UBE2O: variants seen among roughly 807,000 people sequenced by gnomAD.
UBE2O encodes the protein (E3-independent) E2 ubiquitin-conjugating enzyme.
In UBE2O, 15 loss-of-function variants were observed where a neutral mutation model predicts 125.8. That is an observed-to-expected ratio of 0.12 (90% confidence interval 0.08 to 0.18). UBE2O has a LOEUF of 0.18. Among genes scored for constraint, UBE2O ranks in the 10% least tolerant of loss-of-function variants. The probability of loss-of-function intolerance (pLI) is 1.00; values close to 1 mark genes in which losing one functional copy is unlikely to be tolerated. For synonymous variants in UBE2O, 708 were observed against 703.2 expected (o/e 1.01, Z -0.11); for missense variants, 1,280 against 1,723.6 (o/e 0.74, Z 4.56).
chr17:76,391,603 C>T lies in UBE2O; in HGVS notation c.3219G>A (p.Leu1073=). 2 of 1,612,766 alleles carry T rather than the reference C, an allele frequency of 1.2e-6. No individual in the cohort carries two copies. Among genetic ancestry groups the T allele is most frequent in the Non-Finnish European group, 1.7e-6 (2 of 1,179,132 alleles). ...CTTCGTTGTAGTATGGTTCATTTAC[C>T]AGGATCAGACCTGTGTGGGCGGGAC... is the stretch of plus-strand genomic sequence containing the variant. ...QVLISIQGLI[L]VNEPYYNEAG... is the part of the protein sequence containing the mutation. The change falls in exon 18 of 18, where the codon CTG becomes CTA. Residue 1073 remains leucine, a synonymous_variant. Transcript: ENST00000319380. The surrounding 1 kb of genome is among the most constrained non-coding windows in gnomAD (Gnocchi z 8.4).
At chr17:76,423,462 G>A (rs997171587) in intron 1 of UBE2O, among the ~76,000 whole-genome samples, 2 of 152,060 alleles carry the variant, frequency 1.3e-5, no homozygotes, top group Admixed American at 6.5e-5. Flanking sequence ...GGGAGGCCGA[G>A]GTGGGAGGAT....
intron 5 of UBE2O, among the ~76,000 whole-genome samples, chr17:76,401,411 T>A (rs1417814856): frequency 1.3e-5 from 2 of 152,208 alleles, no homozygotes; most frequent in Non-Finnish European, 2.9e-5. Context: ...CTCTGAGGAA[T>A]AAGACTCCAG....
intron 15 of UBE2O, among the ~76,000 whole-genome samples, chr17:76,393,524 C>A (rs1014659907): frequency 6.6e-6 from 1 of 152,074 alleles, no homozygotes; most frequent in African/African-American, 2.4e-5. Flanking sequence ...TGAGCCACCA[C>A]GCCCGGCCAA....
At chr17:76,422,791 C>T (rs1398613724) in intron 1 of UBE2O, among the ~76,000 whole-genome samples, 1 of 152,262 alleles carries the variant, frequency 6.6e-6, no homozygotes, top group Non-Finnish European at 1.5e-5. Flanking sequence ...ACTGTTCCCA[C>T]ACCTGCAGTC....
In UBE2O at chr17:76,402,775, C is replaced by T; in HGVS notation, c.589-76G>A. On this transcript the variant is annotated intron_variant, in intron 3 of 17. Coordinates refer to ENST00000319380, the MANE Select transcript of UBE2O (RefSeq NM_022066.4). This position sits in a 1 kb window ranked among gnomAD's most constrained non-coding sequence, Gnocchi z 5.4. The stretch of plus-strand genomic sequence containing the variant: ...TCCAGGGCACAGATTCCTCTATGCC[C>T]CACCGAAGACAGGATGGGGGAGGAT... 8.0e-7 allele frequency: 1 copy of T among 1,247,594 alleles called. No individual in the cohort carries two copies. The highest frequency in any genetic ancestry group is 1.5e-5 in the African/African-American group (1 of 67,940). The allele number at this position is 1,247,594 out of a possible 1,614,324, so 77.3% of individuals were successfully genotyped here. A position where few individuals can be genotyped will look rare whatever the true frequency, so the allele number is the denominator to read the frequency against.
chr17:76,390,783 C>T lies in UBE2O; in HGVS notation c.*160G>A. ...AAATAGAAACGGCAGCATCTCAACA[C>T]ACTTCTTGCACTTCAGCATCAAACT... On this transcript the variant is annotated 3_prime_UTR_variant, in exon 18 of 18. Coordinates refer to ENST00000319380, the MANE Select transcript of UBE2O (RefSeq NM_022066.4). The T allele has an allele frequency of 3.0e-6, 2 of 659,920 alleles. No homozygotes were observed. Among genetic ancestry groups the T allele is most frequent in the Non-Finnish European group, 2.4e-6 (1 of 410,190 alleles). The allele number at this position is 659,920 out of a possible 1,614,324, so 40.9% of individuals were successfully genotyped here.
At chr17:76,434,794 T>TAA (rs150608519) in intron 1 of UBE2O, among the ~76,000 whole-genome samples, 4 of 133,700 alleles carry the variant, frequency 3.0e-5, no homozygotes, top group African/African-American at 5.5e-5. Context: ...TTTTTTTTTT[T>TAA]AAAAAAACAA....
rs78328144 is a variant in UBE2O at position 76,408,916 on chromosome 17, T to C, written c.418-3344A>G. ...GGTGAAGAGATTTCAACTGTCCTCATGGGCTCTGAAATTCTAAACAACCTC... is the reference window on the plus strand; with the variant it reads ...GGTGAAGAGATTTCAACTGTCCTCACGGGCTCTGAAATTCTAAACAACCTC... On this transcript the variant is annotated intron_variant, in intron 1 of 17. Transcript: ENST00000319380. Among the ~76,000 whole-genome samples, 233 of 152,098 alleles carry C rather than the reference T, an allele frequency of 1.5e-3. 2 individuals carry two copies. Among genetic ancestry groups the C allele is most frequent in the Non-Finnish European group, 5.7e-4 (39 of 67,990 alleles).
intron 1 of UBE2O, among the ~76,000 whole-genome samples, chr17:76,413,787 C>A (rs1273992020): frequency 6.6e-6 from 1 of 152,086 alleles, no homozygotes; most frequent in Admixed American, 6.6e-5. Context: ...AAACCCAAGA[C>A]CCACACAGTC....
At chr17:76,408,090 G>A (rs2072454154) in intron 1 of UBE2O, among the ~76,000 whole-genome samples, 1 of 152,100 alleles carries the variant, frequency 6.6e-6, no homozygotes, top group Non-Finnish European at 1.5e-5. Context: ...CCCATACTGG[G>A]CACTGGCTTT....
chr17:76,390,634 G>A lies in UBE2O; in HGVS notation c.*309C>T, dbSNP rs1598575243. 3.4e-6 allele frequency: 1 copy of A among 293,992 alleles called. No individual in the cohort carries two copies. The highest frequency in any genetic ancestry group is 7.1e-5 in the East Asian group (1 of 14,026). The allele number at this position is 293,992 out of a possible 1,614,324, so 18.2% of individuals were successfully genotyped here. ...GGCAGGCCCTGGAACACCCGCCTCT[G>A]ACCTGAGAAGGGGCAGCAAGGGAGC... On this transcript the variant is annotated 3_prime_UTR_variant, in exon 18 of 18. Transcript: ENST00000319380.
intron 1 of UBE2O, among the ~76,000 whole-genome samples, chr17:76,409,735 T>C (rs1035511359): frequency 1.3e-5 from 2 of 152,176 alleles, no homozygotes; most frequent in Non-Finnish European, 2.9e-5. Context: ...ACAGTGGGGC[T>C]GCCCAGTGGA....
intron 5 of UBE2O, 63 bp from the exon 6 acceptor site, chr17:76,401,217 T>C: frequency 1.9e-6 from 3 of 1,576,330 alleles, no homozygotes; most frequent in Middle Eastern, 1.7e-4. Flanking sequence ...GACCATGCTC[T>C]CCACGCCTGT....
At position 76,452,905 on chromosome 17, in the gene UBE2O, C is replaced by G. The variant is rs755504180; in HGVS notation, c.237G>C (p.Val79=). ...CCGAGTCCTCGCCGTGGATGAGGCG[C>G]ACCAGCCCGAAGTGCACGGAGCCAC... The part of the protein sequence containing the change: ...RYRGSVHFGL[V]RLIHGEDSDS... The change falls in exon 1 of 18, where the codon GTG becomes GTC. Residue 79 remains valine, a synonymous_variant. Coordinates refer to ENST00000319380, the MANE Select transcript of UBE2O (RefSeq NM_022066.4). The surrounding 1 kb of genome is among the most constrained non-coding windows in gnomAD (Gnocchi z 4.4). 6.7e-7 allele frequency: 1 copy of G among 1,497,294 alleles called. No individual in the cohort carries two copies. 92.8% of individuals were successfully genotyped at this position (1,497,294 alleles called of 1,614,324 possible). A position where few individuals can be genotyped will look rare whatever the true frequency, so the allele number is the denominator to read the frequency against.
rs561468426 is a variant in UBE2O, at chr17:76,423,158, G to T, written c.418-17586C>A. On this transcript the variant is annotated intron_variant, in intron 1 of 17. Coordinates refer to ENST00000319380, the MANE Select transcript of UBE2O (RefSeq NM_022066.4). ...GAACTACGGCTGAAGAGCAGGAAAAGGAGGAAGAGGTAGGTGAGGGGGTGG... is the reference window on the plus strand; with the variant it reads ...GAACTACGGCTGAAGAGCAGGAAAATGAGGAAGAGGTAGGTGAGGGGGTGG... Among the ~76,000 whole-genome samples the T allele has an allele frequency of 4.7e-4, 71 of 152,280 alleles. 2 individuals carry two copies. The South Asian group carries it at 0.015, about 32-fold the overall frequency.
At chr17:76,430,861 C>T (rs947160237) in intron 1 of UBE2O, 10 of 393,634 alleles carry the variant, frequency 2.5e-5, no homozygotes, top group Non-Finnish European at 4.4e-5. Context: ...TGACAAATGC[C>T]AATTCGGGTT....
rs1262117327 is a variant in UBE2O, at chr17:76,402,564, C to G, written c.686+38G>C. ...CCTCCCCTCTTTCCAAGAGGCTATC[C>G]TTCCCAAGCCGATGGCTCTCTGGTG... On this transcript the variant is annotated intron_variant, in intron 4 of 17. Transcript: ENST00000319380. The surrounding 1 kb of genome is among the most constrained non-coding windows in gnomAD (Gnocchi z 5.4). 2 of 1,571,616 alleles carry G rather than the reference C, an allele frequency of 1.3e-6. No homozygotes were observed. The highest frequency in any genetic ancestry group is 1.8e-6 in the Non-Finnish European group (2 of 1,141,384).
Position 76,405,941 on chromosome 17 carries a change from C to T in UBE2O, c.418-369G>A, listed in dbSNP as rs938118761. On this transcript the variant is annotated intron_variant, in intron 1 of 17. Coordinates refer to ENST00000319380, the MANE Select transcript of UBE2O (RefSeq NM_022066.4). This position sits in a 1 kb window ranked among gnomAD's most constrained non-coding sequence, Gnocchi z 6.1. ...TACAGAGAGCAAAACATTTGCTTTG[C>T]GTTCAATCTTTTTTCTGCCCTCTGC... Among the ~76,000 whole-genome samples, 1 of 152,184 alleles carries T rather than the reference C, an allele frequency of 6.6e-6. No individual in the cohort carries two copies. The highest frequency in any genetic ancestry group is 2.4e-5 in the African/African-American group (1 of 41,438).
chr17:76,439,651 A>G lies in UBE2O; in HGVS notation c.417+13074T>C, dbSNP rs553148654. Among the ~76,000 whole-genome samples the G allele has an allele frequency of 1.4e-4, 21 of 152,360 alleles. No homozygotes were observed. In the South Asian group the frequency reaches 4.3e-3, roughly 32 times the overall value. On this transcript the variant is annotated intron_variant, in intron 1 of 17. Transcript: ENST00000319380. ...AGCTAAAAAATTATTGTGGTCCTCA[A>G]TAATTTTTAAGTTAAAGGAGTTCTG... is the stretch of plus-strand genomic sequence containing the variant.
Sources: gnomAD v4.1 joint callset for allele counts (sites outside exome capture counted in the v4.1 genomes callset) on GRCh38, gnomAD v4.1.1 for gene constraint, Gnocchi (gnomAD v3.1) non-coding constraint, MANE v1.5 for transcripts, NCBI Gene and HGNC (gene_info 2026-07-23, HGNC 2026-07-21) for gene names.